Variants in UBTD2 observed in about 807,000 individuals in gnomAD.
The protein encoded by UBTD2 is ubiquitin domain containing 2, also known as ubiquitin domain-containing protein 2.
Under a neutral mutation model 19.8 loss-of-function variants are expected in UBTD2, and 9 were observed. The ratio of observed to expected loss-of-function variants is 0.46; its 90% CI spans 0.27 to 0.79. The LOEUF is 0.79. Ranked by LOEUF, UBTD2 falls within the 30% of genes least tolerant of loss-of-function variation. The pLI, the probability that UBTD2 is intolerant of heterozygous loss-of-function variation, is 0.14. For synonymous variants in UBTD2, 98 were observed against 103.9 expected (o/e 0.94, Z 0.35); for missense variants, 250 against 300.4 (o/e 0.83, Z 1.24).
intron 2 of UBTD2, among the ~76,000 whole-genome samples, chr5:172,219,748 T>C (rs892972496): frequency 6.6e-6 from 1 of 152,196 alleles, no homozygotes; most frequent in African/African-American, 2.4e-5. Context: ...AAAAAACTCA[T>C]GCTAGTTTTG....
chr5:172,283,660 GC>G lies in UBTD2; in HGVS notation c.5del (p.Gly2AlafsTer25), dbSNP rs1755772097. On this transcript the variant is annotated frameshift_variant, in exon 1 of 3. Transcript: ENST00000393792. LOFTEE classifies it high-confidence loss of function. The surrounding 1 kb of genome is among the most constrained non-coding windows in gnomAD (Gnocchi z 4.3). Reference sequence around the variant, plus strand: ...AGTCGTGCTGGGCGCCCACACACCCGCCCATGGGGGCCCCCGGCGCCTCGTC... The same window carrying G: ...AGTCGTGCTGGGCGCCCACACACCCGCCATGGGGGCCCCCGGCGCCTCGTC... MGGCVGAQHDSS... is the reference protein window; with the variant it reads MXGCVGAQHDSS... The G allele has an allele frequency of 8.0e-7, 1 of 1,242,838 alleles. No individual in the cohort carries two copies. The highest frequency in any genetic ancestry group is 4.2e-5 in the Admixed American group (1 of 23,666). The allele number at this position is 1,242,838 out of a possible 1,614,324, so 77.0% of individuals were successfully genotyped here. A position where few individuals can be genotyped will look rare whatever the true frequency, so the allele number is the denominator to read the frequency against.
At chr5:172,229,612 G>C (rs1771850561) in intron 2 of UBTD2, among the ~76,000 whole-genome samples, 1 of 150,816 alleles carries the variant, frequency 6.6e-6, no homozygotes, top group Non-Finnish European at 1.5e-5. Flanking sequence ...GATAATTGTA[G>C]ATGCTAAACA....
rs1755773748 is a variant in UBTD2 at position 172,283,712 on chromosome 5, C to CTCGCCG, written c.-48_-47insCGGCGA. ...CGCCACCTCCGGACGCTCGTCCGGGCCCGCCGCCGCCGCCGCTGCAGCCTC... is the reference window on the plus strand; with the variant it reads ...CGCCACCTCCGGACGCTCGTCCGGGCTCGCCGCCGCCGCCGCCGCCGCTGCAGCCTC... On this transcript the variant is annotated 5_prime_UTR_variant, in exon 1 of 3. Coordinates refer to ENST00000393792, the MANE Select transcript of UBTD2 (RefSeq NM_152277.3). The surrounding 1 kb of genome is among the most constrained non-coding windows in gnomAD (Gnocchi z 4.3). 1 of 1,173,840 alleles carries CTCGCCG rather than the reference C, an allele frequency of 8.5e-7. No homozygotes were observed. Among genetic ancestry groups the CTCGCCG allele is most frequent in the African/African-American group, 1.6e-5 (1 of 62,280 alleles). The allele number at this position is 1,173,840 out of a possible 1,614,324, so 72.7% of individuals were successfully genotyped here.
chr5:172,266,948 G>A (rs1326634330), intron 1 of UBTD2, among the ~76,000 whole-genome samples: 3 of 151,792 alleles, frequency 2.0e-5, no homozygotes, highest in African/African-American at 7.3e-5. Context: ...GCTGCCTGAG[G>A]CAGGGGATTG....
chr5:172,254,681 T>C (rs1755102713), intron 1 of UBTD2: 1 of 541,578 alleles, frequency 1.8e-6, no homozygotes, highest in Non-Finnish European at 3.3e-6. Flanking sequence ...TAAAGGTCTC[T>C]TCCCAGGCTG....
chr5:172,271,379 A>C (rs1373715564), intron 1 of UBTD2, among the ~76,000 whole-genome samples: 3 of 150,792 alleles, frequency 2.0e-5, no homozygotes, highest in African/African-American at 7.3e-5. Flanking sequence ...CCGTGAGCCG[A>C]GATCGCACCA....
chr5:172,255,974 A>T (rs1755139409), intron 1 of UBTD2, among the ~76,000 whole-genome samples: 1 of 152,104 alleles, frequency 6.6e-6, no homozygotes, highest in Admixed American at 6.5e-5. Context: ...CTGTAATCCC[A>T]GCTACTTGGG....
At position 172,210,621 on chromosome 5, in the gene UBTD2, A is replaced by C. The variant is rs1193462864; in HGVS notation, c.*1209T>G. The C allele has an allele frequency of 1.3e-5, 2 of 152,176 alleles. No individual in the cohort carries two copies. The highest frequency in any genetic ancestry group is 2.9e-5 in the Non-Finnish European group (2 of 68,042). The allele number at this position is 152,176 out of a possible 1,614,324, so 9.4% of individuals were successfully genotyped here. Reference sequence around the variant, plus strand: ...TTTGCTACAAAAGATGAGGGAGGAAAATTGTCATCTACCATGACTAGAGGT... The same window carrying C: ...TTTGCTACAAAAGATGAGGGAGGAACATTGTCATCTACCATGACTAGAGGT... On this transcript the variant is annotated 3_prime_UTR_variant, in exon 3 of 3. Coordinates refer to ENST00000393792, the MANE Select transcript of UBTD2 (RefSeq NM_152277.3).
intron 1 of UBTD2, among the ~76,000 whole-genome samples, chr5:172,278,613 C>T (rs533774516): frequency 7.1e-4 from 107 of 151,728 alleles, no homozygotes; most frequent in African/African-American, 2.4e-3. Context: ...AGGATGAACA[C>T]GGGAGACTTT....
intron 2 of UBTD2, among the ~76,000 whole-genome samples, chr5:172,218,769 T>C (rs1370104545): frequency 2.5e-5 from 3 of 122,268 alleles, no homozygotes; most frequent in Non-Finnish European, 4.9e-5. Flanking sequence ...AGTCAGACCC[T>C]GTCACCAAAA....
intron 1 of UBTD2, among the ~76,000 whole-genome samples, chr5:172,280,596 A>C (rs1285640325): frequency 6.6e-6 from 1 of 152,048 alleles, no homozygotes; most frequent in African/African-American, 2.4e-5. Context: ...AGGCTGCAGT[A>C]ATCTATGATC....
chr5:172,259,463 C>T (rs1435008369), intron 1 of UBTD2, among the ~76,000 whole-genome samples: 1 of 151,772 alleles, frequency 6.6e-6, no homozygotes, highest in Admixed American at 6.6e-5. Flanking sequence ...TTAAAAATGA[C>T]TATAATTATA....
At chr5:172,261,377 A>C (rs1056681732) in intron 1 of UBTD2, among the ~76,000 whole-genome samples, 1 of 152,226 alleles carries the variant, frequency 6.6e-6, no homozygotes, top group African/African-American at 2.4e-5. Context: ...TCTACAGATT[A>C]AACAATGCCT....
At chr5:172,274,967 T>C (rs28731450) in intron 1 of UBTD2, among the ~76,000 whole-genome samples, 49,105 of 151,998 alleles carry the variant, frequency 0.32, 8,016 homozygotes, top group South Asian at 0.42. Flanking sequence ...ACCCAGCAGG[T>C]GGAGTTTGCC....
chr5:172,232,671 G>A (rs995765250), intron 2 of UBTD2, among the ~76,000 whole-genome samples: 1 of 151,928 alleles, frequency 6.6e-6, no homozygotes, highest in Non-Finnish European at 1.5e-5. Flanking sequence ...GATCATCTGG[G>A]CAACATAGTG....
intron 2 of UBTD2, among the ~76,000 whole-genome samples, chr5:172,217,301 C>T (rs1459057310): frequency 6.6e-6 from 1 of 151,364 alleles, no homozygotes; most frequent in Non-Finnish European, 1.5e-5. Flanking sequence ...TGCTTATAAT[C>T]CCACCTACTC....
intron 1 of UBTD2, among the ~76,000 whole-genome samples, chr5:172,276,946 G>A (rs1219576042): frequency 6.6e-6 from 1 of 151,654 alleles, no homozygotes; most frequent in Admixed American, 6.6e-5. Flanking sequence ...GTGCACACGT[G>A]TAATCCCAGC....
chr5:172,260,480 A>AT (rs1473485384), intron 1 of UBTD2, among the ~76,000 whole-genome samples: 4 of 149,734 alleles, frequency 2.7e-5, no homozygotes, highest in East Asian at 3.9e-4. Context: ...AAAAAAAGTT[A>AT]TTTTTTCACT....
At chr5:172,214,203 G>C (rs1388959705) in intron 2 of UBTD2, among the ~76,000 whole-genome samples, 1 of 152,202 alleles carries the variant, frequency 6.6e-6, no homozygotes, top group Non-Finnish European at 1.5e-5. Flanking sequence ...ACCAAATCCA[G>C]AGCACTGAAA....
Sources: allele counts gnomAD v4.1 joint callset (sites outside exome capture counted in the v4.1 genomes callset), GRCh38; gene constraint gnomAD v4.1.1; non-coding constraint Gnocchi (gnomAD v3.1); transcripts MANE v1.5; gene names NCBI Gene and HGNC (gene_info 2026-07-23, HGNC 2026-07-21).